Variants in DSP observed in about 807,000 individuals in gnomAD.
DSP encodes the protein desmoplakin, also known as 250/210 kDa paraneoplastic pemphigus antigen.
In DSP, 114 loss-of-function variants were observed where a neutral mutation model predicts 290.6. That is an observed-to-expected ratio of 0.39 (90% CI 0.34 to 0.46). The LOEUF is 0.46. Among genes scored for constraint, DSP ranks in the 20% least tolerant of loss-of-function variants. The pLI, the probability that DSP is intolerant of heterozygous loss-of-function variation, is 0.99. For synonymous variants in DSP, 1,311 were observed against 1,316.4 expected, an observed-to-expected ratio of 1.00 and a Z score of 0.09; for missense variants, 3,230 against 3,495.8, an observed-to-expected ratio of 0.92 and a Z score of 1.92.
chr6:7,579,551 G>A lies in DSP; in HGVS notation c.3361G>A (p.Glu1121Lys). 6.2e-7 allele frequency: 1 copy of A among 1,613,910 alleles called. No homozygotes were observed. Among genetic ancestry groups the A allele is most frequent in the Non-Finnish European group, 8.5e-7 (1 of 1,180,024 alleles). Reference protein sequence around the residue: ...ITRLTYEIEDEKRRRKSVEDR... With the variant: ...ITRLTYEIEDKKRRRKSVEDR... ...CCGACTGACTTATGAGATTGAAGAT[G>A]AAAAGAGAAGAAGAAAATCTGTGGA... The change falls in exon 23 of 24, where the codon GAA becomes AAA. Residue 1121 changes from glutamate to lysine, a missense_variant. By Grantham distance (56) the Glu-to-Lys change is moderately conservative. Around this residue, in one of 5 missense-constraint regions of DSP, gnomAD observed 1,714 missense variants for 1,844.5 expected, o/e 0.93. Coordinates refer to ENST00000379802, the MANE Select transcript of DSP (RefSeq NM_004415.4). The surrounding 1 kb of genome is among the most constrained non-coding windows in gnomAD (Gnocchi z 4.1).
intron 1 of DSP, 69 bp downstream of exon 1, chr6:7,542,154 C>G: frequency 6.5e-7 from 1 of 1,528,776 alleles, no homozygotes; most frequent in Non-Finnish European, 8.8e-7. Context: ...CTCCTCTGGA[C>G]GACTGGGAGA....
intron 16 of DSP, among the ~76,000 whole-genome samples, 158 bp downstream of exon 16, chr6:7,574,410 G>A (rs969362427): frequency 2.0e-5 from 3 of 152,014 alleles, no homozygotes; most frequent in Admixed American, 6.6e-5. Context: ...CGCTAGCCTC[G>A]CATGTTAATT....
At chr6:7,569,930 A>G (rs781669166) in intron 12 of DSP, among the ~76,000 whole-genome samples, 5 of 152,230 alleles carry the variant, frequency 3.3e-5, no homozygotes, top group Non-Finnish European at 7.3e-5. Context: ...TCCTTTTCTT[A>G]GAAAATCAGT....
chr6:7,577,932 C>A, intron 21 of DSP, 46 bp downstream of exon 21: 2 of 1,469,918 alleles, frequency 1.4e-6, no homozygotes, highest in Non-Finnish European at 1.9e-6. Context: ...CCTCCTTCTG[C>A]TTCTTCCCTT....
At chr6:7,573,846 G>A (rs1362598475) in intron 15 of DSP, among the ~76,000 whole-genome samples, 1 of 152,158 alleles carries the variant, frequency 6.6e-6, no homozygotes, top group African/African-American at 2.4e-5. Flanking sequence ...TTCAGCGCAA[G>A]ACTACAGGTA....
Position 7,584,590 on chromosome 6 carries a change from T to A in DSP, c.7328T>A (p.Leu2443His). ...AAGGATGAGGAAACAGGGCTCTGTC[T>A]TCTGCCTCTGAAAGAAAAGAAGAAA... ...CIKDEETGLC[L>H]LPLKEKKKQV... The change falls in exon 24 of 24, where the codon CTT (leucine) becomes CAT (histidine). Residue 2443 changes from leucine (L) to histidine (H), a missense_variant. Around this residue, in one of 5 missense-constraint regions of DSP, gnomAD observed 582 missense variants for 555.4 expected, o/e 1.05. Coordinates refer to ENST00000379802, the MANE Select transcript of DSP (RefSeq NM_004415.4). This position sits in a 1 kb window ranked among gnomAD's most constrained non-coding sequence, Gnocchi z 6.4. The A allele has an allele frequency of 6.2e-7, 1 of 1,614,048 alleles. No individual in the cohort carries two copies. The highest frequency in any genetic ancestry group is 1.1e-5 in the South Asian group (1 of 91,070).
intron 4 of DSP, 57 bp from the exon 5 acceptor site, chr6:7,562,595 G>A (rs867910613): frequency 5.6e-6 from 9 of 1,612,112 alleles, no homozygotes; most frequent in Non-Finnish European, 6.8e-6. Flanking sequence ...GTGCGTAAGT[G>A]AAACAGGTGC....
chr6:7,566,314 G>A (rs1335624692), intron 7 of DSP, 63 bp from the exon 8 acceptor site: 2 of 1,318,622 alleles, frequency 1.5e-6, no homozygotes, highest in South Asian at 1.2e-5. Context: ...AAAAAGTACT[G>A]TGGGGGTGAT....
chr6:7,554,121 ACACACC>A (rs958250612), intron 1 of DSP, among the ~76,000 whole-genome samples: 4 of 150,606 alleles, frequency 2.7e-5, no homozygotes, highest in African/African-American at 9.7e-5. Context: ...ACACACACAC[ACACACC>A]CAGTTGGTTA....
Position 7,566,362 on chromosome 6 carries a change from T to C in DSP, c.940-15T>C, listed in dbSNP as rs766635749. The C allele has an allele frequency of 6.2e-6, 10 of 1,605,004 alleles. No homozygotes were observed. The highest frequency in any genetic ancestry group is 2.7e-5 in the African/African-American group (2 of 74,812). Reference sequence around the variant, plus strand: ...ATGACTTGCTGCAAAGGATTTCTTATTTCTTCATTCACAGATACGCATGAG... The same window carrying C: ...ATGACTTGCTGCAAAGGATTTCTTACTTCTTCATTCACAGATACGCATGAG... On this transcript the variant is annotated splice_polypyrimidine_tract_variant and intron_variant, in intron 7 of 23. Coordinates refer to ENST00000379802, the MANE Select transcript of DSP (RefSeq NM_004415.4).
chr6:7,569,568 C>A (rs1041091986), intron 12 of DSP, among the ~76,000 whole-genome samples: 1 of 152,152 alleles, frequency 6.6e-6, no homozygotes, highest in Non-Finnish European at 1.5e-5. Flanking sequence ...GGTGTGGTGG[C>A]TTATGCCTGT....
In DSP at chr6:7,580,314, C is replaced by T; in HGVS notation, c.4124C>T (p.Thr1375Ile). 1 of 1,613,884 alleles carries T rather than the reference C, an allele frequency of 6.2e-7. No individual in the cohort carries two copies. The highest frequency in any genetic ancestry group is 8.5e-7 in the Non-Finnish European group (1 of 1,179,936). The change falls in exon 23 of 24, where the codon ACC (threonine) becomes ATC (isoleucine). Residue 1375 changes from threonine to isoleucine, a missense_variant. Coordinates refer to ENST00000379802, the MANE Select transcript of DSP (RefSeq NM_004415.4). This position sits in a 1 kb window ranked among gnomAD's most constrained non-coding sequence, Gnocchi z 4.2. ...QFETEINITK[T>I]TIHQLTMQKE... The stretch of plus-strand genomic sequence containing the variant: ...GAGACCGAGATCAACATCACCAAGA[C>T]CACCATCCACCAGCTCACCATGCAG...
intron 1 of DSP, among the ~76,000 whole-genome samples, chr6:7,552,777 G>C (rs1244439474): frequency 1.3e-5 from 2 of 151,544 alleles, no homozygotes; most frequent in Non-Finnish European, 2.9e-5. Context: ...TCTAAAACTA[G>C]GGGGAGGGAA....
At chr6:7,564,246 A>G (rs1194255613) in intron 6 of DSP, among the ~76,000 whole-genome samples, 2 of 152,250 alleles carry the variant, frequency 1.3e-5, no homozygotes, top group Non-Finnish European at 2.9e-5. Flanking sequence ...AAGCAAAAAT[A>G]AAAGTTATTT....
At chr6:7,572,196 C>A in intron 15 of DSP, 128 bp downstream of exon 15, 1 of 876,980 alleles carries the variant, frequency 1.1e-6, no homozygotes, top group Non-Finnish European at 1.8e-6. Context: ...AGGCTTCTGG[C>A]AGGATTTCCT....
At chr6:7,574,565 G>A (rs1436393602) in intron 16 of DSP, 92 bp from the exon 17 acceptor site, 37 of 1,561,172 alleles carry the variant, frequency 2.4e-5, no homozygotes, top group Admixed American at 6.7e-5. Flanking sequence ...CTGCTTTGAC[G>A]TTGTTCCCTT....
In DSP at chr6:7,541,778, G is replaced by A; in HGVS notation, c.-138G>A. 8.7e-7 allele frequency: 1 copy of A among 1,144,644 alleles called. No homozygotes were observed. Among genetic ancestry groups the A allele is most frequent in the Non-Finnish European group, 1.2e-6 (1 of 835,994 alleles). 70.9% of individuals were successfully genotyped at this position (1,144,644 alleles called of 1,614,324 possible). On this transcript the variant is annotated 5_prime_UTR_variant, in exon 1 of 24. Coordinates refer to ENST00000379802, the MANE Select transcript of DSP (RefSeq NM_004415.4). ...GGCCTCGGGAGGGCCCAGGTAGCGA[G>A]CAGCGACCTCGCGAGCCTTCCGCAC...
At chr6:7,578,599 G>A (rs1759322039) in intron 22 of DSP, 37 bp downstream of exon 22, 2 of 1,482,634 alleles carry the variant, frequency 1.3e-6, no homozygotes, top group African/African-American at 1.4e-5. Flanking sequence ...CGTCAAAAAA[G>A]AAAATAGAAT....
intron 14 of DSP, 73 bp from the exon 15 acceptor site, chr6:7,571,762 TAGTATGG>T: frequency 6.6e-7 from 1 of 1,516,220 alleles, no homozygotes; most frequent in Non-Finnish European, 9.1e-7. Context: ...TACTTTTAGG[TAGTATGG>T]ATGTTTTTTG....
Sources: allele counts gnomAD v4.1 joint callset (sites outside exome capture counted in the v4.1 genomes callset), GRCh38; gene constraint gnomAD v4.1.1; regional missense constraint gnomAD v4.1.1; non-coding constraint Gnocchi (gnomAD v3.1); transcripts MANE v1.5; gene names NCBI Gene and HGNC (gene_info 2026-07-23, HGNC 2026-07-21).